The following DIDO1 variants were observed in gnomAD, a reference collection of about 807,000 sequenced individuals.
DIDO1 encodes death-inducer obliterator 1.
In DIDO1, 16 loss-of-function variants were observed where a neutral mutation model predicts 99.4. The observed-to-expected ratio is 0.16, with a 90% CI of 0.11 to 0.24. DIDO1 has a LOEUF of 0.24. Among genes scored for constraint, DIDO1 ranks in the 10% least tolerant of loss-of-function variants. The probability of loss-of-function intolerance (pLI) is 1.00; values close to 1 mark genes in which losing one functional copy is unlikely to be tolerated. For synonymous variants in DIDO1, 1,366 were observed against 1,239.1 expected (o/e 1.10, Z -2.15); for missense variants, 2,996 against 3,014.0 (o/e 0.99, Z 0.14).
intron 1 of DIDO1, among the ~76,000 whole-genome samples, chr20:62,919,494 C>T (rs554869720): frequency 6.6e-6 from 1 of 151,894 alleles, no homozygotes; most frequent in East Asian, 1.9e-4. Context: ...GAGCTGAGAT[C>T]GTGCCACTGT....
chr20:62,886,983 C>A (rs1366734908), intron 15 of DIDO1, among the ~76,000 whole-genome samples: 2 of 152,232 alleles, frequency 1.3e-5, no homozygotes, highest in Non-Finnish European at 2.9e-5. Flanking sequence ...CTGGGTCCAG[C>A]ACGTCTCAGG....
chr20:62,911,573 T>C lies in DIDO1; in HGVS notation c.40A>G (p.Lys14Glu). 1.2e-6 allele frequency: 2 copies of C among 1,605,080 alleles called. No homozygotes were observed. The highest frequency in any genetic ancestry group is 2.2e-5 in the South Asian group (2 of 89,650). Residue 14 changes from lysine (K) to glutamate (E), a missense_variant, in exon 3 of 16, where the codon AAG (lysine) becomes GAG (glutamate). By Grantham distance (56) the Lys-to-Glu change is moderately conservative. This residue lies in a region of DIDO1 where 388 missense variants were observed against 376.6 expected (regional missense o/e 1.03). Coordinates refer to ENST00000395343, the MANE Select transcript of DIDO1 (RefSeq NM_001193369.2). The surrounding 1 kb of genome is among the most constrained non-coding windows in gnomAD (Gnocchi z 7.0). ...TCTTTGCTGGTGGGTTTGATGGCCT[T>C]AGGTGCCTCCTCATTGCTCGGGTCG... ...KGDPSNEEAP[K>E]AIKPTSKEFR...
chr20:62,879,998 G>A lies in DIDO1; in HGVS notation c.5958C>T (p.Pro1986=), dbSNP rs1568819981. The change falls in exon 16 of 16, where the codon CCC becomes CCT. Residue 1986 remains proline, a synonymous_variant. Transcript: ENST00000395343. The surrounding 1 kb of genome is among the most constrained non-coding windows in gnomAD (Gnocchi z 6.3). The part of the protein sequence containing the change: ...PRFTNQRAPA[P]LQFGGLRGSA... ...ACCCCCGTAGTCCACCAAACTGCAG[G>A]GGTGCAGGCGCCCTTTGGTTTGTGA... The A allele has an allele frequency of 1.9e-6, 3 of 1,612,040 alleles. No individual in the cohort carries two copies. The highest frequency in any genetic ancestry group is 2.5e-6 in the Non-Finnish European group (3 of 1,179,946).
chr20:62,910,553 CACTT>C (rs557194426), intron 3 of DIDO1, among the ~76,000 whole-genome samples: 63 of 152,336 alleles, frequency 4.1e-4, no homozygotes, highest in African/African-American at 1.4e-3. Context: ...TTCACCTCCT[CACTT>C]GACTGGAAAC....
chr20:62,880,101 G>A lies in DIDO1; in HGVS notation c.5855C>T (p.Ala1952Val), dbSNP rs753664129. 9.9e-6 allele frequency: 16 copies of A among 1,612,298 alleles called. No individual in the cohort carries two copies. The highest frequency in any genetic ancestry group is 1.3e-5 in the African/African-American group (1 of 74,950). The change falls in exon 16 of 16, where the codon GCG (alanine) becomes GTG (valine). Residue 1952 changes from alanine (A) to valine (V), a missense_variant. Physicochemically the swap from Ala to Val is moderately conservative, Grantham distance 64. This residue lies in a region of DIDO1 where 1,562 missense variants were observed against 1,412.6 expected (regional missense o/e 1.11). Transcript: ENST00000395343. Reference sequence around the variant, plus strand: ...CCTGGGACCTGGCATAAAGTTAGGCGCTTGGCCTCTGGGTCCTTCAAACTG... The same window carrying A: ...CCTGGGACCTGGCATAAAGTTAGGCACTTGGCCTCTGGGTCCTTCAAACTG... Reference protein sequence around the residue: ...PNQFEGPRGQAPNFMPGPRGI... With the variant: ...PNQFEGPRGQVPNFMPGPRGI...
chr20:62,897,439 G>A (rs993061998), intron 6 of DIDO1, among the ~76,000 whole-genome samples: 2 of 152,340 alleles, frequency 1.3e-5, no homozygotes, highest in East Asian at 3.9e-4. Context: ...GGCTCTCTTA[G>A]CCCGGTGGGT....
Position 62,879,751 on chromosome 20 carries a change from C to T in DIDO1, c.6205G>A (p.Asp2069Asn), listed in dbSNP as rs372957052. Residue 2069 changes from aspartate to asparagine, a missense_variant, in exon 16 of 16, where the codon GAC (aspartate) becomes AAC (asparagine). This residue lies in a region of DIDO1 where 1,562 missense variants were observed against 1,412.6 expected (regional missense o/e 1.11). Transcript: ENST00000395343. This position sits in a 1 kb window ranked among gnomAD's most constrained non-coding sequence, Gnocchi z 6.3. ...PEADGQWASADFREGKGHEYR... is the reference protein window; with the variant it reads ...PEADGQWASANFREGKGHEYR... The stretch of plus-strand genomic sequence containing the variant: ...TCGTGGCCTTTCCCCTCTCGGAAGT[C>T]GGCCGATGCCCACTGTCCGTCGGCC... 10 of 1,611,568 alleles carry T rather than the reference C, an allele frequency of 6.2e-6. No individual in the cohort carries two copies. Among genetic ancestry groups the T allele is most frequent in the African/African-American group, 2.7e-5 (2 of 74,926 alleles).
In DIDO1 at chr20:62,894,358, A is replaced by G. The variant is rs1428661187; in HGVS notation, c.2572+55T>C. On this transcript the variant is annotated intron_variant, in intron 11 of 15. Transcript: ENST00000395343. This position sits in a 1 kb window ranked among gnomAD's most constrained non-coding sequence, Gnocchi z 4.4. ...GCTTTTAGGAGGTTCAGTGATTTTT[A>G]ACAAAATCAAGTTTAGTCTCAGCTC... The G allele has an allele frequency of 1.9e-6, 3 of 1,593,748 alleles. No individual in the cohort carries two copies. Among genetic ancestry groups the G allele is most frequent in the Non-Finnish European group, 2.6e-6 (3 of 1,171,334 alleles).
In DIDO1 at chr20:62,881,749, C is replaced by T. The variant is rs1372796536; in HGVS notation, c.4207G>A (p.Glu1403Lys). 1 of 1,613,096 alleles carries T rather than the reference C, an allele frequency of 6.2e-7. No individual in the cohort carries two copies. The highest frequency in any genetic ancestry group is 1.3e-5 in the African/African-American group (1 of 74,934). The part of the protein sequence containing the change: ...PERAFDTQLV[E>K]RGRRHEVERA... ...TCCACCTCGTGGCGCCGCCCTCGCTCCACAAGCTGAGTGTCGAAGGCCCTC... is the reference window on the plus strand; with the variant it reads ...TCCACCTCGTGGCGCCGCCCTCGCTTCACAAGCTGAGTGTCGAAGGCCCTC... The change falls in exon 16 of 16, where the codon GAG becomes AAG. Residue 1403 changes from glutamate (E) to lysine (K), a missense_variant. Transcript: ENST00000395343. The surrounding 1 kb of genome is among the most constrained non-coding windows in gnomAD (Gnocchi z 8.3).
At chr20:62,907,649 C>A (rs570140919) in intron 4 of DIDO1, among the ~76,000 whole-genome samples, 1 of 152,344 alleles carries the variant, frequency 6.6e-6, no homozygotes, top group African/African-American at 2.4e-5. Context: ...GCGGGGCCCA[C>A]GGGACCTCAC....
chr20:62,916,318 A>AT (rs145967097), intron 1 of DIDO1, among the ~76,000 whole-genome samples: 2,696 of 152,130 alleles, frequency 0.018, 88 homozygotes, highest in African/African-American at 0.062. Flanking sequence ...TTCTAAGCAC[A>AT]TTTTTTTCCC....
At chr20:62,922,239 T>TACACACACACAC (rs1472221960) in intron 1 of DIDO1, among the ~76,000 whole-genome samples, 2 of 147,782 alleles carry the variant, frequency 1.4e-5, no homozygotes, top group African/African-American at 5.1e-5. Context: ...CACATATATA[T>TACACACACACAC]ATATACACAC....
At chr20:62,890,726 T>A in intron 15 of DIDO1, 2 of 1,383,130 alleles carry the variant, frequency 1.4e-6, no homozygotes, top group Non-Finnish European at 1.9e-6. Context: ...GGCTGTGGGT[T>A]TTTCCCTCTC....
chr20:62,880,832 A>T lies in DIDO1; in HGVS notation c.5124T>A (p.Ser1708=). 1 of 1,612,796 alleles carries T rather than the reference A, an allele frequency of 6.2e-7. No homozygotes were observed. Among genetic ancestry groups the T allele is most frequent in the Non-Finnish European group, 8.5e-7 (1 of 1,179,986 alleles). ...CTGCAGGGCTGCTGCTCCTTCCAGC[A>T]GAATGAAGATTTCTTGGGTCCTCAT... ...AQYEDPRNLH[S]AGRSSSPAGE... The change falls in exon 16 of 16, where the codon TCT becomes TCA. Residue 1708 remains serine, a synonymous_variant. Coordinates refer to ENST00000395343, the MANE Select transcript of DIDO1 (RefSeq NM_001193369.2).
chr20:62,907,190 TTCA>T lies in DIDO1; in HGVS notation c.1328_1330del (p.Met443del), dbSNP rs1249370356. 1 of 1,614,124 alleles carries T rather than the reference TTCA, an allele frequency of 6.2e-7. No individual in the cohort carries two copies. The highest frequency in any genetic ancestry group is 8.5e-7 in the Non-Finnish European group (1 of 1,180,060). On this transcript the variant is annotated inframe_deletion, in exon 5 of 16. Coordinates refer to ENST00000395343, the MANE Select transcript of DIDO1 (RefSeq NM_001193369.2). Reference sequence around the variant, plus strand: ...AAGACTGGGCTTCTCTGGCTTCATCTTCATCTTTTCTTTAGGCTTTGGCTTCTG... The same window carrying T: ...AAGACTGGGCTTCTCTGGCTTCATCTTCTTTTCTTTAGGCTTTGGCTTCTG...
intron 15 of DIDO1, chr20:62,890,154 G>A (rs1362634470): frequency 1.9e-5 from 19 of 985,892 alleles, no homozygotes; most frequent in Non-Finnish European, 2.3e-5. Flanking sequence ...CCTTTATGAC[G>A]AAGCACTTCA....
At chr20:62,909,531 A>G (rs1356300380) in intron 4 of DIDO1, among the ~76,000 whole-genome samples, 168 bp downstream of exon 4, 1 of 152,250 alleles carries the variant, frequency 6.6e-6, no homozygotes, top group Admixed American at 6.5e-5. Context: ...TAGACAGGGT[A>G]AGAATAAAAA....
chr20:62,923,383 G>A (rs775831412), intron 1 of DIDO1, among the ~76,000 whole-genome samples: 6 of 151,858 alleles, frequency 4.0e-5, no homozygotes, highest in Non-Finnish European at 7.4e-5. Flanking sequence ...CACCATATTG[G>A]CCAGGCTGGT....
chr20:62,896,936 G>C lies in DIDO1; in HGVS notation c.1649C>G (p.Thr550Arg), dbSNP rs2147419793. 2 of 1,614,010 alleles carry C rather than the reference G, an allele frequency of 1.2e-6. No homozygotes were observed. The highest frequency in any genetic ancestry group is 1.3e-5 in the African/African-American group (1 of 75,048). Residue 550 changes from threonine (T) to arginine (R), a missense_variant, in exon 7 of 16, where the codon ACA (threonine) becomes AGA (arginine). Physicochemically the swap from Thr to Arg is moderately conservative, Grantham distance 71. This residue lies in a region of DIDO1 where 898 missense variants were observed against 972.7 expected (regional missense o/e 0.92). Transcript: ENST00000395343. The surrounding 1 kb of genome is among the most constrained non-coding windows in gnomAD (Gnocchi z 4.4). Reference sequence around the variant, plus strand: ...GCCCACCGCGGAGCCTGGAGGGGCTGTTTTCTTTGAGGCTGCCATGGCTGC... The same window carrying C: ...GCCCACCGCGGAGCCTGGAGGGGCTCTTTTCTTTGAGGCTGCCATGGCTGC... Reference protein sequence around the residue: ...KAAAMAASKKTAPPGSAVGKQ... With the variant: ...KAAAMAASKKRAPPGSAVGKQ...
Sources: gnomAD v4.1 joint callset for allele counts (sites outside exome capture counted in the v4.1 genomes callset) on GRCh38, gnomAD v4.1.1 for gene constraint, gnomAD v4.1.1 regional missense constraint, Gnocchi (gnomAD v3.1) non-coding constraint, MANE v1.5 for transcripts, NCBI Gene and HGNC (gene_info 2026-07-23, HGNC 2026-07-21) for gene names.